Variants in MOK observed in about 807,000 individuals in gnomAD.
The protein encoded by MOK is MAPK/MAK/MRK overlapping kinase.
Under a neutral mutation model 54.2 loss-of-function variants are expected in MOK, and 59 were observed. The ratio of observed to expected loss-of-function variants is 1.09; its 90% CI spans 0.88 to 1.35. The LOEUF (loss-of-function observed/expected upper bound fraction) is 1.35. Among genes scored for constraint, MOK ranks in the 40% most tolerant of loss-of-function variants. MOK has a pLI of 0.00. For missense variants in MOK, 517 were observed against 526.2 expected (o/e 0.98, Z 0.17); for synonymous variants, 210 against 202.7 (o/e 1.04, Z -0.31).
chr14:102,263,836 C>T lies in MOK; in HGVS notation c.213-220G>A, dbSNP rs189546320. 1.5e-5 allele frequency: 6 copies of T among 405,466 alleles called. No homozygotes were observed. The Admixed American group carries it at 2.2e-4, about 15-fold the overall frequency. The allele number at this position is 405,466 out of a possible 1,614,324, so 25.1% of individuals were successfully genotyped here. A position where few individuals can be genotyped will look rare whatever the true frequency, so the allele number is the denominator to read the frequency against. The stretch of plus-strand genomic sequence containing the variant: ...GCAAAACCCAACTTTGAACAAAATT[C>T]TAGAAGTTGAAAACAGATATGTCTT... On this transcript the variant is annotated intron_variant, in intron 3 of 11. Transcript: ENST00000361847.
rs2065657328 is a variant in MOK at position 102,240,833 on chromosome 14, C to G, written c.591-7044G>C. On this transcript the variant is annotated intron_variant, in intron 7 of 11. Transcript: ENST00000361847. This position sits in a 1 kb window ranked among gnomAD's most constrained non-coding sequence, Gnocchi z 5.4. ...CCCTCCTTATCTGTGTCTCTACCCT[C>G]TCTTTTCTCTGGGCTTGCCTGCTTC... 6.6e-6 allele frequency among the ~76,000 whole-genome samples: 1 copy of G among 152,214 alleles called. No individual in the cohort carries two copies. The highest frequency in any genetic ancestry group is 1.5e-5 in the Non-Finnish European group (1 of 68,048).
rs776831036 is a variant in MOK, at chr14:102,283,541, T to C, written c.59A>G (p.Lys20Arg). The change falls in exon 2 of 12, where the codon AAG becomes AGG. Residue 20 changes from lysine (K) to arginine (R), a missense_variant. By Grantham distance (26) the Lys-to-Arg change is conservative (BLOSUM62 2). Transcript: ENST00000361847. ...GTTTCCATCTCTCAGGCTTTGCATC[T>C]TCATAACTTCAGAAAACGTTCCCTC... is the stretch of plus-strand genomic sequence containing the variant. ...IGEGTFSEVMKMQSLRDGNYY... is the reference protein window; with the variant it reads ...IGEGTFSEVMRMQSLRDGNYY... The C allele has an allele frequency of 6.2e-7, 1 of 1,613,758 alleles. No homozygotes were observed.
At chr14:102,258,316 T>C (rs1228042194) in intron 4 of MOK, among the ~76,000 whole-genome samples, 1 of 152,206 alleles carries the variant, frequency 6.6e-6, no homozygotes, top group Non-Finnish European at 1.5e-5. Flanking sequence ...TCCAGCCACA[T>C]GGGCCTCTTC....
At chr14:102,270,431 C>A (rs1282901084) in intron 2 of MOK, among the ~76,000 whole-genome samples, 1 of 152,106 alleles carries the variant, frequency 6.6e-6, no homozygotes, top group African/African-American at 2.4e-5. Context: ...GAAACTCTGT[C>A]TCCACTAAAA....
chr14:102,220,906 G>A (rs2063814535), downstream of MOK, among the ~76,000 whole-genome samples: 1 of 152,054 alleles, frequency 6.6e-6, no homozygotes, highest in Non-Finnish European at 1.5e-5. This position sits in a 1 kb window ranked among gnomAD's most constrained non-coding sequence, Gnocchi z 4.2. Flanking sequence ...GAGTAGCTGG[G>A]ATGACAGCCG....
intron 7 of MOK, among the ~76,000 whole-genome samples, chr14:102,248,146 G>C (rs753375876): frequency 6.6e-6 from 1 of 152,156 alleles, no homozygotes. Flanking sequence ...ACCTATTAAA[G>C]GGCTGGAATG....
chr14:102,236,302 G>A lies in MOK; in HGVS notation c.591-2513C>T, dbSNP rs185460691. ...TAACTCTGCGAGTAGCAGGTAAGCCGATCTCTTTTTAAATTGATAGCGGGG... is the reference window on the plus strand; with the variant it reads ...TAACTCTGCGAGTAGCAGGTAAGCCAATCTCTTTTTAAATTGATAGCGGGG... On this transcript the variant is annotated intron_variant, in intron 7 of 11. Coordinates refer to ENST00000361847, the MANE Select transcript of MOK (RefSeq NM_014226.3). The surrounding 1 kb of genome is among the most constrained non-coding windows in gnomAD (Gnocchi z 4.5). 1.4e-3 allele frequency among the ~76,000 whole-genome samples: 208 copies of A among 152,280 alleles called. 1 individual carries two copies. Among genetic ancestry groups the A allele is most frequent in the African/African-American group, 4.8e-3 (199 of 41,556 alleles).
Position 102,230,061 on chromosome 14 carries a change from A to T in MOK, c.982-404T>A, listed in dbSNP as rs1285232325. 5.0e-6 allele frequency: 1 copy of T among 201,410 alleles called. No individual in the cohort carries two copies. The highest frequency in any genetic ancestry group is 1.0e-5 in the Non-Finnish European group (1 of 98,164). 12.5% of individuals were successfully genotyped at this position (201,410 alleles called of 1,614,324 possible). ...TTTTTGTTTGTTTGTTTGTTTTGAG[A>T]CACGGTGTTTGTTGCTCTGTAGCAC... On this transcript the variant is annotated intron_variant, in intron 10 of 11. Coordinates refer to ENST00000361847, the MANE Select transcript of MOK (RefSeq NM_014226.3). The surrounding 1 kb of genome is among the most constrained non-coding windows in gnomAD (Gnocchi z 4.1).
At chr14:102,221,702 C>T (rs2065989823), downstream of MOK, among the ~76,000 whole-genome samples, 1 of 152,182 alleles carries the variant, frequency 6.6e-6, no homozygotes, top group African/African-American at 2.4e-5. This position sits in a 1 kb window ranked among gnomAD's most constrained non-coding sequence, Gnocchi z 4.8. Context: ...AGCTTGCTTC[C>T]AGGCTTCCGG....
intron 7 of MOK, 30 bp from the exon 8 acceptor site, chr14:102,233,819 G>A (rs2064969705): frequency 6.5e-7 from 1 of 1,537,310 alleles, no homozygotes; most frequent in African/African-American, 1.4e-5. Flanking sequence ...ACTGTGGTCA[G>A]TGTTAGGGCA....
Position 102,232,955 on chromosome 14 carries a change from G to T in MOK, c.693-247C>A. 3 of 321,304 alleles carry T rather than the reference G, an allele frequency of 9.3e-6. No homozygotes were observed. Among genetic ancestry groups the T allele is most frequent in the Non-Finnish European group, 1.7e-5 (3 of 177,602 alleles). The allele number at this position is 321,304 out of a possible 1,614,324, so 19.9% of individuals were successfully genotyped here. A position where few individuals can be genotyped will look rare whatever the true frequency, so the allele number is the denominator to read the frequency against. ...CACACCACTCGAGGCAGGTGCTGACGACAGGGGAGGCTGTGTGCACATGGG... is the reference window on the plus strand; with the variant it reads ...CACACCACTCGAGGCAGGTGCTGACTACAGGGGAGGCTGTGTGCACATGGG... On this transcript the variant is annotated intron_variant, in intron 8 of 11. Coordinates refer to ENST00000361847, the MANE Select transcript of MOK (RefSeq NM_014226.3). The surrounding 1 kb of genome is among the most constrained non-coding windows in gnomAD (Gnocchi z 5.1).
intron 2 of MOK, among the ~76,000 whole-genome samples, chr14:102,273,919 T>G (rs1165870621): frequency 6.6e-6 from 1 of 152,158 alleles, no homozygotes; most frequent in Non-Finnish European, 1.5e-5. Flanking sequence ...AACGATAGAC[T>G]CAATACAATC....
chr14:102,217,013 G>T, the MOK span, among the ~76,000 whole-genome samples: 1 of 152,204 alleles, frequency 6.6e-6, no homozygotes, highest in South Asian at 2.1e-4. Context: ...CTCTGGAGAC[G>T]AATGGACCAT....
At chr14:102,250,245 G>A (rs1007761779) in intron 7 of MOK, among the ~76,000 whole-genome samples, 4 of 152,124 alleles carry the variant, frequency 2.6e-5, no homozygotes, top group African/African-American at 9.7e-5. Context: ...GGGAGCAAGA[G>A]GTGCAGCTCT....
chr14:102,245,379 C>T lies in MOK; in HGVS notation c.590+5433G>A, dbSNP rs911278407. ...TTCAATACTATTTTATGTTATTTTT[C>T]TTATTAATATAAGAAGACAGGAATG... On this transcript the variant is annotated intron_variant, in intron 7 of 11. Transcript: ENST00000361847. The surrounding 1 kb of genome is among the most constrained non-coding windows in gnomAD (Gnocchi z 4.3). 1.3e-5 allele frequency among the ~76,000 whole-genome samples: 2 copies of T among 151,680 alleles called. No individual in the cohort carries two copies. Among genetic ancestry groups the T allele is most frequent in the African/African-American group, 4.9e-5 (2 of 41,202 alleles).
At chr14:102,224,956 G>A (rs758309435), downstream of MOK, 66 of 372,374 alleles carry the variant, frequency 1.8e-4, no homozygotes, top group Non-Finnish European at 3.2e-4. Context: ...TTGATTGCTA[G>A]GTGCTGTCAG....
At position 102,241,013 on chromosome 14, in the gene MOK, C is replaced by A. The variant is rs117931917; in HGVS notation, c.591-7224G>T. On this transcript the variant is annotated intron_variant, in intron 7 of 11. Coordinates refer to ENST00000361847, the MANE Select transcript of MOK (RefSeq NM_014226.3). ...ATACAAACTCGATAATGGTTCTAAA[C>A]AGCCAGAAAATGGCACTTTTGATTT... Among the ~76,000 whole-genome samples the A allele has an allele frequency of 5.7e-3, 861 of 152,322 alleles. 18 individuals are homozygous for A. The highest frequency in any genetic ancestry group is 0.035 in the East Asian group (180 of 5,184).
At chr14:102,226,761 C>T (rs1475355968), downstream of MOK, among the ~76,000 whole-genome samples, 1 of 152,214 alleles carries the variant, frequency 6.6e-6, no homozygotes. This position sits in a 1 kb window ranked among gnomAD's most constrained non-coding sequence, Gnocchi z 4.8. Flanking sequence ...AATCATCACC[C>T]TCGGAATCTC....
chr14:102,226,125 G>C (rs866986080), downstream of MOK: 10 of 586,846 alleles, frequency 1.7e-5, no homozygotes, highest in Middle Eastern at 4.5e-4. This position sits in a 1 kb window ranked among gnomAD's most constrained non-coding sequence, Gnocchi z 4.8. Context: ...AGACGTGCAC[G>C]TCTGAGTGCC....
Sources: allele counts gnomAD v4.1 joint callset (sites outside exome capture counted in the v4.1 genomes callset), GRCh38; gene constraint gnomAD v4.1.1; non-coding constraint Gnocchi (gnomAD v3.1); transcripts MANE v1.5; gene names NCBI Gene and HGNC (gene_info 2026-07-23, HGNC 2026-07-21).